The following PEBP4 variants were observed in gnomAD, a reference collection of about 807,000 sequenced individuals.
PEBP4 encodes phosphatidylethanolamine binding protein 4.
PEBP4 carries 22 observed loss-of-function variants against 23.9 expected under a neutral mutation model. The observed-to-expected ratio is 0.92, with a 90% confidence interval of 0.66 to 1.31. The LOEUF is 1.31. Ranked by LOEUF, PEBP4 falls within the 40% of genes most tolerant of loss-of-function variation. PEBP4 has a pLI of 0.00. For missense variants in PEBP4, 324 were observed against 281.7 expected, an observed-to-expected ratio of 1.15 and a Z score of -1.07; for synonymous variants, 112 against 99.3, an observed-to-expected ratio of 1.13 and a Z score of -0.76.
At chr8:22,889,311 G>A (rs1242233458) in intron 3 of PEBP4, among the ~76,000 whole-genome samples, 1 of 152,198 alleles carries the variant, frequency 6.6e-6, no homozygotes. Context: ...GAAACAGCAG[G>A]AGGCAGAGGC....
At chr8:22,880,767 G>A (rs184934312) in intron 3 of PEBP4, among the ~76,000 whole-genome samples, 56 of 152,330 alleles carry the variant, frequency 3.7e-4, no homozygotes, top group Admixed American at 1.3e-3. Flanking sequence ...CAGTGAGGGT[G>A]GGGAGGGACC....
intron 6 of PEBP4, among the ~76,000 whole-genome samples, chr8:22,714,528 CCTA>C (rs1563191348): frequency 6.6e-6 from 1 of 151,734 alleles, no homozygotes; most frequent in African/African-American, 2.4e-5. Context: ...TACTGGGCAT[CCTA>C]CTTTTTGTTG....
At chr8:22,792,417 C>T (rs117861905) in intron 4 of PEBP4, among the ~76,000 whole-genome samples, 190 of 152,116 alleles carry the variant, frequency 1.2e-3, no homozygotes, top group African/African-American at 4.2e-3. Context: ...GTTGGTGGGC[C>T]CCCTGCTTTG....
Position 22,727,214 on chromosome 8 carries a change from C to T in PEBP4, c.364G>A (p.Asp122Asn), listed in dbSNP as rs115814340. Residue 122 changes from aspartate to asparagine, a missense_variant, in exon 5 of 7, where the codon GAC becomes AAC. By Grantham distance (23) the Asp-to-Asn change is conservative (BLOSUM62 1). Transcript: ENST00000256404. ...CCCTGAATCTTCCCTTTCTTCAGGT[C>T]GGCGCCCTGAAAGAAGAGACAAGCA... ...HWLVTDIKGA[D>N]LKKGKIQGQE... The T allele has an allele frequency of 6.1e-3, 9,839 of 1,613,566 alleles. 554 individuals are homozygous for T. In the African/African-American group the frequency reaches 0.12, roughly 19 times the overall value.
At chr8:22,751,984 C>G (rs1431564280) in intron 4 of PEBP4, among the ~76,000 whole-genome samples, 1 of 152,208 alleles carries the variant, frequency 6.6e-6, no homozygotes, top group Non-Finnish European at 1.5e-5. Flanking sequence ...GCAGCCTTGG[C>G]CTGCTGGGCT....
chr8:22,778,984 G>T (rs939416675), intron 4 of PEBP4, among the ~76,000 whole-genome samples: 4 of 151,828 alleles, frequency 2.6e-5, no homozygotes, highest in African/African-American at 9.7e-5. Flanking sequence ...CTGCCTGCGT[G>T]GGGGGCACGG....
At chr8:22,893,304 G>A (rs13267602) in intron 3 of PEBP4, among the ~76,000 whole-genome samples, 33,227 of 152,134 alleles carry the variant, frequency 0.22, 3,807 homozygotes, top group Middle Eastern at 0.28. Context: ...ACTGCTTTCA[G>A]TGAGCCTAAC....
chr8:22,908,399 A>AC (rs1808862818), intron 3 of PEBP4, among the ~76,000 whole-genome samples: 1 of 150,962 alleles, frequency 6.6e-6, no homozygotes, highest in Non-Finnish European at 1.5e-5. Context: ...CAAACAAAAA[A>AC]AAAAACCTGT....
intron 3 of PEBP4, among the ~76,000 whole-genome samples, chr8:22,822,354 A>AGTGTGTGTGT (rs34500729): frequency 1.4e-5 from 2 of 147,758 alleles, no homozygotes; most frequent in African/African-American, 2.5e-5. Context: ...TATATACTAA[A>AGTGTGTGTGT]GTGTGTGTGT....
rs1025260991 is a variant in PEBP4 at position 22,865,360 on chromosome 8, G to T, written c.259-47625C>A. On this transcript the variant is annotated intron_variant, in intron 3 of 6. Transcript: ENST00000256404. This position sits in a 1 kb window ranked among gnomAD's most constrained non-coding sequence, Gnocchi z 6.9. ...CGTCTCCCGCTGCCCACCCACGGGCGGTGACGGTGGCGGTGGCGGTGGCGG... is the reference window on the plus strand; with the variant it reads ...CGTCTCCCGCTGCCCACCCACGGGCTGTGACGGTGGCGGTGGCGGTGGCGG... Among the ~76,000 whole-genome samples, 2 of 27,390 alleles carry T rather than the reference G, an allele frequency of 7.3e-5. No homozygotes were observed. Among genetic ancestry groups the T allele is most frequent in the Non-Finnish European group, 2.1e-4 (2 of 9,594 alleles). 18.0% of individuals were successfully genotyped at this position (27,390 alleles called of 152,430 possible).
intron 3 of PEBP4, among the ~76,000 whole-genome samples, chr8:22,883,761 G>A (rs1808312825): frequency 6.6e-6 from 1 of 152,118 alleles, no homozygotes; most frequent in African/African-American, 2.4e-5. Context: ...TTATAATATG[G>A]TACACTGAAT....
At chr8:22,839,441 TA>T (rs1807275584) in intron 3 of PEBP4, among the ~76,000 whole-genome samples, 1 of 152,130 alleles carries the variant, frequency 6.6e-6, no homozygotes, top group Admixed American at 6.5e-5. Flanking sequence ...AGGCTGGAAC[TA>T]AATGACTGGT....
intron 3 of PEBP4, among the ~76,000 whole-genome samples, chr8:22,918,217 T>C (rs1809119325): frequency 6.6e-6 from 1 of 152,240 alleles, no homozygotes; most frequent in African/African-American, 2.4e-5. Flanking sequence ...CATAGGTCTG[T>C]TACATTTCCA....
At chr8:22,850,084 G>C (rs1453540515) in intron 3 of PEBP4, among the ~76,000 whole-genome samples, 1 of 151,326 alleles carries the variant, frequency 6.6e-6, no homozygotes, top group Non-Finnish European at 1.5e-5. Context: ...GGAGCCCTGT[G>C]ATAGAGGAAG....
At chr8:22,840,069 T>C (rs1191142412) in intron 3 of PEBP4, among the ~76,000 whole-genome samples, 1 of 152,248 alleles carries the variant, frequency 6.6e-6, no homozygotes, top group Non-Finnish European at 1.5e-5. Context: ...TTTTTCTGTG[T>C]GTGGGACACT....
chr8:22,728,548 CT>C (rs747249415), intron 4 of PEBP4, among the ~76,000 whole-genome samples: 1,463 of 85,352 alleles, frequency 0.017, 13 homozygotes, highest in Middle Eastern at 0.064. Flanking sequence ...TCCTTCCTTT[CT>C]TTCTTTCTTT....
intron 4 of PEBP4, among the ~76,000 whole-genome samples, chr8:22,767,241 A>G (rs892566014): frequency 7.9e-5 from 12 of 152,238 alleles, no homozygotes; most frequent in Admixed American, 2.0e-4. Flanking sequence ...TTACTTCCCA[A>G]ATCATACCAC....
intron 3 of PEBP4, among the ~76,000 whole-genome samples, chr8:22,881,877 G>A (rs981565894): frequency 5.9e-5 from 9 of 152,216 alleles, no homozygotes; most frequent in Admixed American, 5.9e-4. Context: ...AGTTTCCCCA[G>A]CAGTAAAATG....
intron 3 of PEBP4, among the ~76,000 whole-genome samples, chr8:22,827,422 T>G (rs1386244789): frequency 2.0e-5 from 3 of 152,210 alleles, no homozygotes; most frequent in Non-Finnish European, 4.4e-5. Context: ...CAAGCAACCA[T>G]GAATCTACTT....
Sources: gnomAD v4.1 joint callset for allele counts (sites outside exome capture counted in the v4.1 genomes callset) on GRCh38, gnomAD v4.1.1 for gene constraint, Gnocchi (gnomAD v3.1) non-coding constraint, MANE v1.5 for transcripts, NCBI Gene and HGNC (gene_info 2026-07-23, HGNC 2026-07-21) for gene names.